Variants in LINGO2 observed in about 807,000 individuals in gnomAD.
LINGO2 encodes leucine-rich repeat and immunoglobulin-like domain-containing nogo receptor-interacting protein 2.
LINGO2 carries 14 observed loss-of-function variants against 30.6 expected under a neutral mutation model. The observed-to-expected ratio is 0.46, with a 90% CI of 0.30 to 0.72. The LOEUF (loss-of-function observed/expected upper bound fraction) is 0.72. Ranked by LOEUF, LINGO2 falls within the 30% of genes least tolerant of loss-of-function variation. The probability of loss-of-function intolerance (pLI) is 0.07; values close to 1 mark genes in which losing one functional copy is unlikely to be tolerated. For synonymous variants in LINGO2, 317 were observed against 288.5 expected, an observed-to-expected ratio of 1.10 and a Z score of -1.00; for missense variants, 729 against 751.7, an observed-to-expected ratio of 0.97 and a Z score of 0.35.
At chr9:29,162,981 G>C in the LINGO2 span, among the ~76,000 whole-genome samples, 1 of 152,134 alleles carries the variant, frequency 6.6e-6, no homozygotes, top group Admixed American at 6.5e-5. Flanking sequence ...GACAGAGAAA[G>C]AGAGAAAGCA....
chr9:29,188,122 A>C, the LINGO2 span, among the ~76,000 whole-genome samples: 1 of 149,996 alleles, frequency 6.7e-6, no homozygotes, highest in Non-Finnish European at 1.5e-5. Flanking sequence ...CAGATAAACA[A>C]GTGAACAAAG....
chr9:28,844,751 AT>A, the LINGO2 span, among the ~76,000 whole-genome samples: 1 of 151,830 alleles, frequency 6.6e-6, no homozygotes, highest in Admixed American at 6.6e-5. Flanking sequence ...GACTATTGGT[AT>A]TATTGATTTA....
At chr9:28,948,541 G>T in the LINGO2 span, among the ~76,000 whole-genome samples, 1 of 151,914 alleles carries the variant, frequency 6.6e-6, no homozygotes, top group African/African-American at 2.4e-5. Context: ...ATACATATAT[G>T]CACATGCACA....
intron 4 of LINGO2, among the ~76,000 whole-genome samples, chr9:28,290,504 A>G (rs1037248337): frequency 2.6e-5 from 4 of 152,206 alleles, no homozygotes; most frequent in Non-Finnish European, 5.9e-5. Context: ...CAGAAAGCCA[A>G]TCACTGACAC....
chr9:28,707,521 C>A, the LINGO2 span, among the ~76,000 whole-genome samples: 1 of 152,064 alleles, frequency 6.6e-6, no homozygotes, highest in African/African-American at 2.4e-5. Flanking sequence ...CAAAACAAAA[C>A]CTGAAATAAA....
chr9:28,319,100 G>A (rs1401709199), intron 3 of LINGO2, among the ~76,000 whole-genome samples: 1 of 152,118 alleles, frequency 6.6e-6, no homozygotes, highest in Non-Finnish European at 1.5e-5. Context: ...TACAAAGTAT[G>A]AACTGCCCAG....
At chr9:29,039,597 G>C in the LINGO2 span, among the ~76,000 whole-genome samples, 8 of 152,112 alleles carry the variant, frequency 5.3e-5, no homozygotes, top group Non-Finnish European at 1.2e-4. Flanking sequence ...CATTTTCTCT[G>C]ACTTTTTAGT....
intron 3 of LINGO2, among the ~76,000 whole-genome samples, chr9:28,351,568 G>A (rs1346100445): frequency 7.1e-6 from 1 of 140,994 alleles, no homozygotes; most frequent in Non-Finnish European, 1.5e-5. Context: ...TTCTACCAGA[G>A]GTACAAGGAG....
intron 4 of LINGO2, among the ~76,000 whole-genome samples, chr9:28,150,269 T>G (rs1827961229): frequency 6.6e-6 from 1 of 152,230 alleles, no homozygotes; most frequent in African/African-American, 2.4e-5. Context: ...TCTGCCCGGC[T>G]GCTGTGCAAC....
intron 4 of LINGO2, among the ~76,000 whole-genome samples, chr9:28,154,850 A>ACTC (rs1828090996): frequency 6.6e-6 from 1 of 152,074 alleles, no homozygotes; most frequent in Admixed American, 6.5e-5. Context: ...TCTTTTAAAA[A>ACTC]CTCAAACTAG....
At chr9:28,038,550 G>A (rs1008916798) in intron 4 of LINGO2, among the ~76,000 whole-genome samples, 8 of 152,022 alleles carry the variant, frequency 5.3e-5, no homozygotes, top group African/African-American at 1.2e-4. Flanking sequence ...AAAATTAGCC[G>A]GGCGTAGTGG....
the LINGO2 span, among the ~76,000 whole-genome samples, chr9:29,100,176 A>G: frequency 3.3e-3 from 470 of 143,094 alleles, no homozygotes; most frequent in East Asian, 6.0e-3. Context: ...AGGTAAAAAT[A>G]AAACAGTTGA....
At chr9:28,695,864 T>G in the LINGO2 span, among the ~76,000 whole-genome samples, 1 of 151,966 alleles carries the variant, frequency 6.6e-6, no homozygotes, top group African/African-American at 2.4e-5. Flanking sequence ...CCCCAATTGA[T>G]AATTTTTAAA....
At chr9:28,828,864 T>C in the LINGO2 span, among the ~76,000 whole-genome samples, 1 of 152,106 alleles carries the variant, frequency 6.6e-6, no homozygotes, top group Non-Finnish European at 1.5e-5. Context: ...CAGTTGTAAT[T>C]TACTTGCATC....
At chr9:29,021,754 G>A in the LINGO2 span, among the ~76,000 whole-genome samples, 1 of 145,920 alleles carries the variant, frequency 6.9e-6, no homozygotes, top group South Asian at 2.2e-4. Flanking sequence ...GGAAAGCATT[G>A]ACTAGTAATT....
At chr9:28,992,837 C>T in the LINGO2 span, among the ~76,000 whole-genome samples, 3 of 151,968 alleles carry the variant, frequency 2.0e-5, no homozygotes, top group African/African-American at 7.2e-5. Context: ...ACACAACATA[C>T]CAGAATCTCT....
At chr9:29,197,677 T>A in the LINGO2 span, among the ~76,000 whole-genome samples, 1 of 152,064 alleles carries the variant, frequency 6.6e-6, no homozygotes, top group African/African-American at 2.4e-5. Flanking sequence ...TATTAATATA[T>A]AATATGCCTT....
chr9:28,642,618 C>T (rs1186233537), intron 1 of LINGO2, among the ~76,000 whole-genome samples: 1 of 152,052 alleles, frequency 6.6e-6, no homozygotes, highest in East Asian at 1.9e-4. Context: ...GAAAAATCTA[C>T]TACCTTAATT....
At chr9:28,817,706 GC>G in the LINGO2 span, among the ~76,000 whole-genome samples, 1 of 152,172 alleles carries the variant, frequency 6.6e-6, no homozygotes, top group Non-Finnish European at 1.5e-5. Context: ...ATGACTGATT[GC>G]CCCCACTGAG....
Sources: allele counts gnomAD v4.1 joint callset (sites outside exome capture counted in the v4.1 genomes callset), GRCh38; gene constraint gnomAD v4.1.1; transcripts MANE v1.5; gene names NCBI Gene and HGNC (gene_info 2026-07-23, HGNC 2026-07-21).